TNRC6B: variants seen among roughly 807,000 people sequenced by gnomAD.
TNRC6B encodes trinucleotide repeat-containing gene 6B protein.
A neutral mutation model predicts 203.6 loss-of-function variants in TNRC6B; 52 were observed. That is an observed-to-expected ratio of 0.26 (90% CI 0.20 to 0.32). TNRC6B has a LOEUF of 0.32. TNRC6B is among the 10% of genes least tolerant of loss of function. TNRC6B has a pLI of 1.00. For synonymous variants in TNRC6B, 838 were observed against 845.7 expected (o/e 0.99, Z 0.16); for missense variants, 1,923 against 2,286.2 (o/e 0.84, Z 3.24).
intron 1 of TNRC6B, among the ~76,000 whole-genome samples, chr22:40,089,754 TA>T (rs1449988870): frequency 2.0e-5 from 3 of 152,232 alleles, no homozygotes; most frequent in African/African-American, 7.2e-5. Flanking sequence ...TTGCACATTC[TA>T]TGGGTTTGGA....
chr22:40,255,525 C>G (rs572727000), intron 3 of TNRC6B, among the ~76,000 whole-genome samples: 1 of 152,308 alleles, frequency 6.6e-6, no homozygotes, highest in Admixed American at 6.5e-5. Context: ...ACTGTGTGTT[C>G]TAACACAGTG....
intron 15 of TNRC6B, among the ~76,000 whole-genome samples, chr22:40,302,227 T>C (rs2071032746): frequency 1.3e-5 from 2 of 152,170 alleles, no homozygotes. Context: ...GAAACAGTGA[T>C]TTCAAAACAA....
intron 2 of TNRC6B, among the ~76,000 whole-genome samples, chr22:40,124,578 A>G (rs1263976714): frequency 6.6e-6 from 1 of 151,914 alleles, no homozygotes; most frequent in Admixed American, 6.5e-5. Flanking sequence ...CAGCCTCCCA[A>G]ATTGCTGGGA....
chr22:40,217,684 T>G (rs1601892396), intron 1 of TNRC6B, among the ~76,000 whole-genome samples: 1 of 151,980 alleles, frequency 6.6e-6, no homozygotes, highest in African/African-American at 2.4e-5. Context: ...ACCAAGAAAA[T>G]ATTACTGAGG....
chr22:40,142,500 A>G (rs1601838122), intron 3 of TNRC6B, among the ~76,000 whole-genome samples: 1 of 152,222 alleles, frequency 6.6e-6, no homozygotes, highest in East Asian at 1.9e-4. Flanking sequence ...GCTAAAATAA[A>G]AAATAACAAT....
chr22:40,265,645 C>G lies in TNRC6B; in HGVS notation c.1415C>G (p.Ser472Cys), dbSNP rs753122544. ...AAATCAACTGGGTCAAAAAATGACT[C>G]TTGGGACAACAATAACAGGTCTACG... ...VQKSTGSKND[S>C]WDNNNRSTGG... Residue 472 changes from serine (S) to cysteine (C), a missense_variant, in exon 5 of 23, where the codon TCT becomes TGT. Coordinates refer to ENST00000454349, the MANE Select transcript of TNRC6B (RefSeq NM_001162501.2). 7 of 1,613,750 alleles carry G rather than the reference C, an allele frequency of 4.3e-6. No homozygotes were observed. The highest frequency in any genetic ancestry group is 5.1e-6 in the Non-Finnish European group (6 of 1,179,854).
chr22:40,170,425 T>A lies in TNRC6B; in HGVS notation c.113+14243T>A, dbSNP rs1158717427. The stretch of plus-strand genomic sequence containing the variant: ...ATTATATATATAGTTTATATATATA[T>A]TATATATATAGTTTATATATATATT... On this transcript the variant is annotated intron_variant, in intron 4 of 23. Coordinates refer to the TNRC6B transcript ENST00000301923. 2.1e-4 allele frequency among the ~76,000 whole-genome samples: 5 copies of A among 23,662 alleles called. 1 individual carries two copies. Among genetic ancestry groups the A allele is most frequent in the African/African-American group, 5.2e-4 (1 of 1,924 alleles). The allele number at this position is 23,662 out of a possible 152,430, so 15.5% of individuals were successfully genotyped here.
intron 1 of TNRC6B, among the ~76,000 whole-genome samples, chr22:40,238,222 C>G (rs968324513): frequency 3.3e-5 from 5 of 152,046 alleles, no homozygotes; most frequent in Non-Finnish European, 7.4e-5. Context: ...CTGTGGCAAA[C>G]GCACACACAC....
In TNRC6B at chr22:40,331,725, A is replaced by G. The variant is rs886611161; in HGVS notation, c.*8484A>G. 1 of 301,386 alleles carries G rather than the reference A, an allele frequency of 3.3e-6. No homozygotes were observed. Among genetic ancestry groups the G allele is most frequent in the African/African-American group, 2.4e-5 (1 of 42,314 alleles). 18.7% of individuals were successfully genotyped at this position (301,386 alleles called of 1,614,324 possible). On this transcript the variant is annotated 3_prime_UTR_variant, in exon 23 of 23. Transcript: ENST00000454349. ...GTCGCTTCTTTATGTTGTAAGGTGA[A>G]TTGTAACTATGCATTCTGCAAAGGG...
chr22:40,116,432 G>A lies in TNRC6B; in HGVS notation c.-120-623G>A, dbSNP rs140223613. ...AATACATGAATATATATTTCAGAGA[G>A]AGATTCCATCATGGAATAAATAAAA... On this transcript the variant is annotated intron_variant, in intron 1 of 23. Transcript: ENST00000301923. Among the ~76,000 whole-genome samples the A allele has an allele frequency of 2.7e-3, 413 of 152,238 alleles. 2 individuals carry two copies. The highest frequency in any genetic ancestry group is 9.6e-3 in the African/African-American group (397 of 41,540).
intron 3 of TNRC6B, among the ~76,000 whole-genome samples, chr22:40,253,882 G>A (rs1341773204): frequency 6.6e-6 from 1 of 152,138 alleles, no homozygotes; most frequent in African/African-American, 2.4e-5. Context: ...CAAAGATGGT[G>A]TCTTCCTCAG....
intron 1 of TNRC6B, among the ~76,000 whole-genome samples, chr22:40,180,054 T>C (rs2069112587): frequency 6.6e-6 from 1 of 152,202 alleles, no homozygotes; most frequent in South Asian, 2.1e-4. Flanking sequence ...ATTGGAAACA[T>C]TACATTAAAG....
chr22:40,081,498 T>C (rs1181790650), intron 1 of TNRC6B, among the ~76,000 whole-genome samples: 1 of 152,184 alleles, frequency 6.6e-6, no homozygotes, highest in Non-Finnish European at 1.5e-5. Context: ...TTCATAATGC[T>C]CTATACCATA....
rs372063866 is a variant in TNRC6B at position 40,083,969 on chromosome 22, G to A, written c.-120-33086G>A. Among the ~76,000 whole-genome samples, 68 of 152,214 alleles carry A rather than the reference G, an allele frequency of 4.5e-4. 1 individual carries two copies. The South Asian group carries it at 0.014, about 32-fold the overall frequency. Reference sequence around the variant, plus strand: ...AGAGCCAGCCTGCTAAAGAGATCTAGTTAGACTGCCAATTTAAATTGAGTG... The same window carrying A: ...AGAGCCAGCCTGCTAAAGAGATCTAATTAGACTGCCAATTTAAATTGAGTG... On this transcript the variant is annotated intron_variant, in intron 1 of 23. Coordinates refer to the TNRC6B transcript ENST00000301923.
Position 40,144,924 on chromosome 22 carries a change from C to A in TNRC6B, c.46-11191C>A, listed in dbSNP as rs1468312704. Among the ~76,000 whole-genome samples the A allele has an allele frequency of 2.0e-5, 3 of 151,746 alleles. No homozygotes were observed. In the East Asian group the frequency reaches 5.8e-4, roughly 29 times the overall value. On this transcript the variant is annotated intron_variant, in intron 3 of 23. Coordinates refer to the TNRC6B transcript ENST00000301923. ...TCAATCTATATGTTGCTTGAAGGTA[C>A]AACCATATCTAAAATTAATCATTAA...
intron 1 of TNRC6B, among the ~76,000 whole-genome samples, chr22:40,226,793 C>T (rs2069791903): frequency 6.6e-6 from 1 of 152,200 alleles, no homozygotes; most frequent in South Asian, 2.1e-4. Context: ...GCAGCCCTGA[C>T]AGAGACTTGG....
At chr22:40,183,533 A>C (rs1362387313) in intron 1 of TNRC6B, among the ~76,000 whole-genome samples, 4 of 152,152 alleles carry the variant, frequency 2.6e-5, no homozygotes, top group Non-Finnish European at 5.9e-5. Flanking sequence ...TTTTTCATAC[A>C]TTCTGTGCTT....
At chr22:40,251,456 G>A (rs147279401) in intron 3 of TNRC6B, among the ~76,000 whole-genome samples, 60 of 152,114 alleles carry the variant, frequency 3.9e-4, no homozygotes, top group Non-Finnish European at 6.6e-4. Context: ...GGCTGGGCAC[G>A]GTGGCTTACG....
chr22:40,114,054 AG>A (rs934322886), intron 1 of TNRC6B, among the ~76,000 whole-genome samples: 5 of 152,202 alleles, frequency 3.3e-5, no homozygotes, highest in Non-Finnish European at 5.9e-5. Context: ...CTGGAATGGA[AG>A]GAGAGGGGAC....
Sources: gnomAD v4.1 joint callset for allele counts (sites outside exome capture counted in the v4.1 genomes callset) on GRCh38, gnomAD v4.1.1 for gene constraint, MANE v1.5 for transcripts, NCBI Gene and HGNC (gene_info 2026-07-23, HGNC 2026-07-21) for gene names.